The following FAN1 variants were observed in gnomAD, a reference collection of about 807,000 sequenced individuals.
FAN1 encodes FANCD2 and FANCI associated nuclease 1.
FAN1 carries 91 observed loss-of-function variants against 104.9 expected under a neutral mutation model. The ratio of observed to expected loss-of-function variants is 0.87; its 90% CI spans 0.73 to 1.03. FAN1 has a LOEUF of 1.03. Ranked by LOEUF, FAN1 falls within the 50% of genes least tolerant of loss-of-function variation. The pLI, the probability that FAN1 is intolerant of heterozygous loss-of-function variation, is 0.00. For missense variants in FAN1, 1,263 were observed against 1,239.9 expected, an observed-to-expected ratio of 1.02 and a Z score of -0.28; for synonymous variants, 478 against 457.6, an observed-to-expected ratio of 1.04 and a Z score of -0.57.
At chr15:30,928,023 C>T (rs1166868020) in intron 10 of FAN1, 1 of 987,260 alleles carries the variant, frequency 1.0e-6, no homozygotes, top group East Asian at 1.1e-4. Context: ...TGGGCTAGGG[C>T]AGTGTAGTAC....
In FAN1 at chr15:30,929,785, C is replaced by A. The variant is rs866331569; in HGVS notation, c.2787+388C>A. On this transcript the variant is annotated intron_variant, in intron 12 of 14. Coordinates refer to ENST00000362065, the MANE Select transcript of FAN1 (RefSeq NM_014967.5). Reference sequence around the variant, plus strand: ...ATATAAAATATATAATATATTATATCATATATAATATAATATATAAAATAT... The same window carrying A: ...ATATAAAATATATAATATATTATATAATATATAATATAATATATAAAATAT... Among the ~76,000 whole-genome samples the A allele has an allele frequency of 8.8e-4, 35 of 39,656 alleles. 5 individuals are homozygous for A. Among genetic ancestry groups the A allele is most frequent in the African/African-American group, 4.3e-3 (33 of 7,592 alleles). The allele number at this position is 39,656 out of a possible 152,430, so 26.0% of individuals were successfully genotyped here.
chr15:30,913,927 GCTA>G lies in FAN1; in HGVS notation c.1650_1652del (p.Leu551del). The G allele has an allele frequency of 6.2e-7, 1 of 1,614,202 alleles. No homozygotes were observed. The highest frequency in any genetic ancestry group is 8.5e-7 in the Non-Finnish European group (1 of 1,180,028). ...CCAGGGCTGTGTTTTCCCGCATCTT[GCTA>G]CTGTTTTCGTTGACCGACTCAATGG... is the stretch of plus-strand genomic sequence containing the variant. On this transcript the variant is annotated inframe_deletion, in exon 5 of 15. Coordinates refer to ENST00000362065, the MANE Select transcript of FAN1 (RefSeq NM_014967.5).
chr15:30,915,592 G>T (rs2062183358), intron 5 of FAN1, among the ~76,000 whole-genome samples: 1 of 152,066 alleles, frequency 6.6e-6, no homozygotes, highest in South Asian at 2.1e-4. Flanking sequence ...AACATAATGA[G>T]ACCCCATCTC....
chr15:30,904,704 G>T lies in FAN1; in HGVS notation c.41G>T (p.Arg14Leu), dbSNP rs763284160. 1 of 1,608,602 alleles carries T rather than the reference G, an allele frequency of 6.2e-7. No individual in the cohort carries two copies. Among genetic ancestry groups the T allele is most frequent in the South Asian group, 1.1e-5 (1 of 90,638 alleles). ...AAACCTCCTGACAAAAAAAGGCCTC[G>T]TAGAAGCTTATCAATCAGCAAGAAT... ...EGKPPDKKRPRRSLSISKNKK... is the reference protein window; with the variant it reads ...EGKPPDKKRPLRSLSISKNKK... Residue 14 changes from arginine to leucine, a missense_variant, in exon 2 of 15, where the codon CGT becomes CTT. Arg to Leu is a moderately radical substitution (Grantham distance 102, BLOSUM62 -2). Transcript: ENST00000362065.
intron 13 of FAN1, among the ~76,000 whole-genome samples, chr15:30,935,892 T>G (rs1451292010): frequency 1.3e-5 from 2 of 152,222 alleles, no homozygotes; most frequent in Non-Finnish European, 1.5e-5. Flanking sequence ...ATCCCCTGAT[T>G]ATACAGTTGT....
chr15:30,928,321 T>A (rs2062517193), intron 10 of FAN1: 6 of 1,297,738 alleles, frequency 4.6e-6, no homozygotes, highest in Middle Eastern at 5.9e-4. Context: ...CATTTGAATT[T>A]TTCTATGATT....
intron 6 of FAN1, among the ~76,000 whole-genome samples, chr15:30,919,584 A>C (rs1340284481): frequency 2.0e-5 from 3 of 146,590 alleles, no homozygotes; most frequent in African/African-American, 5.1e-5. Context: ...CCAGCCTCGG[A>C]AGGCTGAGGC....
chr15:30,919,529 A>G (rs1177977464), intron 6 of FAN1, among the ~76,000 whole-genome samples: 6 of 151,856 alleles, frequency 4.0e-5, no homozygotes, highest in Non-Finnish European at 7.4e-5. Flanking sequence ...CGTCTCTACT[A>G]AAAATACAAA....
chr15:30,928,879 T>C, intron 11 of FAN1: 1 of 770,772 alleles, frequency 1.3e-6, no homozygotes, highest in Middle Eastern at 6.5e-4. Context: ...ACCTTACATT[T>C]AGACCTTTCG....
At chr15:30,933,759 T>G (rs911574677) in intron 13 of FAN1, among the ~76,000 whole-genome samples, 2 of 140,362 alleles carry the variant, frequency 1.4e-5, no homozygotes, top group Admixed American at 7.0e-5. Context: ...TTTTCTTTTT[T>G]TTTTTGTTTT....
chr15:30,939,525 T>G, intron 14 of FAN1: 1 of 979,200 alleles, frequency 1.0e-6, no homozygotes. Context: ...ATAACAACTG[T>G]CCAGCAAAAA....
chr15:30,937,291 A>C (rs759645046), intron 14 of FAN1, 32 bp downstream of exon 14: 4 of 1,579,034 alleles, frequency 2.5e-6, no homozygotes, highest in Admixed American at 3.9e-5. Context: ...GTCATACATT[A>C]ATGTAAGATT....
At position 30,905,658 on chromosome 15, in the gene FAN1, C is replaced by A; in HGVS notation, c.995C>A (p.Ala332Glu). ...CATAGTTCTGCAGATGATGCTTCTG[C>A]ATGGAGTAACATCCAAGAGGCTCCT... ...KSHSSADDAS[A>E]WSNIQEAPLQ... Residue 332 changes from alanine to glutamate, a missense_variant, in exon 2 of 15, where the codon GCA becomes GAA. Ala to Glu is a moderately radical substitution (Grantham distance 107). Transcript: ENST00000362065. The A allele has an allele frequency of 6.2e-7, 1 of 1,614,128 alleles. No individual in the cohort carries two copies. Among genetic ancestry groups the A allele is most frequent in the Non-Finnish European group, 8.5e-7 (1 of 1,179,966 alleles).
In FAN1 at chr15:30,942,357, G is replaced by GA. The variant is rs1404881465; in HGVS notation, c.*801dup. On this transcript the variant is annotated 3_prime_UTR_variant, in exon 15 of 15. Transcript: ENST00000362065. The stretch of plus-strand genomic sequence containing the variant: ...TAAGGATAAGTTCTAAGACGGGCTA[G>GA]AAAAAACACTAGACCTGGCCGATTC... 1.5e-5 allele frequency: 7 copies of GA among 466,446 alleles called. No individual in the cohort carries two copies. Among genetic ancestry groups the GA allele is most frequent in the South Asian group, 9.3e-5 (3 of 32,376 alleles). 28.9% of individuals were successfully genotyped at this position (466,446 alleles called of 1,614,324 possible). A position where few individuals can be genotyped will look rare whatever the true frequency, so the allele number is the denominator to read the frequency against.
At chr15:30,921,240 AC>A (rs1270518869) in intron 7 of FAN1, among the ~76,000 whole-genome samples, 1 of 152,140 alleles carries the variant, frequency 6.6e-6, no homozygotes, top group Non-Finnish European at 1.5e-5. Context: ...GGTGGCGGCC[AC>A]CATCCTGGAG....
chr15:30,906,814 T>C (rs1048028838), intron 2 of FAN1, among the ~76,000 whole-genome samples: 1 of 152,186 alleles, frequency 6.6e-6, no homozygotes, highest in Non-Finnish European at 1.5e-5. Flanking sequence ...CCATCTCTAC[T>C]TTTGCTGTTC....
intron 2 of FAN1, chr15:30,906,509 G>A (rs2061982662): frequency 2.2e-6 from 1 of 456,722 alleles, no homozygotes; most frequent in African/African-American, 2.0e-5. Context: ...GTGCAGGTTT[G>A]TAGTAAAAGC....
intron 13 of FAN1, among the ~76,000 whole-genome samples, chr15:30,934,277 T>G (rs1440684462): frequency 6.6e-6 from 1 of 152,170 alleles, no homozygotes; most frequent in African/African-American, 2.4e-5. Context: ...ATGATACATT[T>G]TTCCATTCTT....
At chr15:30,930,409 C>T (rs1230400763) in intron 12 of FAN1, 134 bp from the exon 13 acceptor site, 30 of 1,013,722 alleles carry the variant, frequency 3.0e-5, no homozygotes, top group Admixed American at 1.3e-4. Flanking sequence ...AGCAGAACAG[C>T]GCATGGTGGG....
Sources: allele counts gnomAD v4.1 joint callset (sites outside exome capture counted in the v4.1 genomes callset), GRCh38; gene constraint gnomAD v4.1.1; transcripts MANE v1.5; gene names NCBI Gene and HGNC (gene_info 2026-07-23, HGNC 2026-07-21).